The following STAM variants were observed in gnomAD, a reference collection of about 807,000 sequenced individuals.
STAM encodes the protein signal transducing adaptor molecule.
Under a neutral mutation model 63.4 loss-of-function variants are expected in STAM, and 16 were observed. That is an observed-to-expected ratio of 0.25 (90% CI 0.17 to 0.38). The LOEUF is 0.38. STAM is among the 10% of genes least tolerant of loss of function. STAM has a pLI of 1.00. For synonymous variants in STAM, 238 were observed against 223.9 expected, an observed-to-expected ratio of 1.06 and a Z score of -0.56; for missense variants, 636 against 657.1, an observed-to-expected ratio of 0.97 and a Z score of 0.35.
intron 11 of STAM, 41 bp downstream of exon 11, chr10:17,705,065 C>G (rs782082507): frequency 1.3e-6 from 2 of 1,572,822 alleles, no homozygotes; most frequent in African/African-American, 2.7e-5. Context: ...TACCTTCTTT[C>G]CTGAAGCTAT....
intron 7 of STAM, 150 bp downstream of exon 7, chr10:17,695,391 A>G: frequency 1.6e-6 from 1 of 643,580 alleles, no homozygotes; most frequent in African/African-American, 1.9e-5. Flanking sequence ...TGCTTGTGTT[A>G]TACTGGGTGG....
rs1833954499 is a variant in STAM at position 17,656,717 on chromosome 10, CT to C, written c.41-3746del. On this transcript the variant is annotated intron_variant, in intron 1 of 13. Coordinates refer to ENST00000377524, the MANE Select transcript of STAM (RefSeq NM_003473.4). ...TTACTGGCAGTGAGTCTGTATGGGT[CT>C]GCACCAATCTCAGTTCTTGCCTCCT... Among the ~76,000 whole-genome samples, 3 of 152,122 alleles carry C rather than the reference CT, an allele frequency of 2.0e-5. No individual in the cohort carries two copies. The South Asian group carries it at 6.2e-4, about 32-fold the overall frequency.
At chr10:17,709,047 T>C (rs942775) in intron 13 of STAM, 96 bp downstream of exon 13, 126,408 of 1,435,320 alleles carry the variant, frequency 0.088, 5,876 homozygotes, top group Admixed American at 0.11. Context: ...CTAATAAATA[T>C]CTGTGGTCAG....
intron 8 of STAM, among the ~76,000 whole-genome samples, chr10:17,697,306 A>G (rs1181355578): frequency 2.0e-5 from 3 of 152,242 alleles, no homozygotes; most frequent in African/African-American, 4.8e-5. Flanking sequence ...TACAGAATTT[A>G]TACATTATAT....
intron 1 of STAM, among the ~76,000 whole-genome samples, chr10:17,656,806 A>C (rs1341033707): frequency 6.6e-6 from 1 of 152,220 alleles, no homozygotes; most frequent in Non-Finnish European, 1.5e-5. Flanking sequence ...GTTTCAGAGC[A>C]GGAGTGGAAG....
intron 1 of STAM, among the ~76,000 whole-genome samples, chr10:17,645,572 C>T (rs982021924): frequency 1.3e-5 from 2 of 152,128 alleles, no homozygotes; most frequent in Admixed American, 6.5e-5. Flanking sequence ...AATAATATGT[C>T]TAGAGGGCCT....
intron 2 of STAM, among the ~76,000 whole-genome samples, chr10:17,674,967 G>T (rs1339160270): frequency 2.0e-5 from 3 of 152,100 alleles, no homozygotes; most frequent in Non-Finnish European, 4.4e-5. Context: ...TGATACAAGG[G>T]TTTCTTCATT....
intron 2 of STAM, among the ~76,000 whole-genome samples, chr10:17,674,413 AG>A (rs1554824420): frequency 6.6e-6 from 1 of 152,136 alleles, no homozygotes; most frequent in East Asian, 1.9e-4. Flanking sequence ...GCCTGGGACT[AG>A]GGTCATCTGA....
At chr10:17,666,222 A>G (rs1834368871) in intron 2 of STAM, among the ~76,000 whole-genome samples, 1 of 152,198 alleles carries the variant, frequency 6.6e-6, no homozygotes, top group Admixed American at 6.5e-5. Flanking sequence ...GGTGGAAAAC[A>G]TCATGTAACT....
chr10:17,688,531 C>T (rs1056902858), intron 5 of STAM, among the ~76,000 whole-genome samples: 1 of 152,020 alleles, frequency 6.6e-6, no homozygotes, highest in African/African-American at 2.4e-5. Context: ...AGCGTGATCT[C>T]GGCTCACTGC....
intron 1 of STAM, among the ~76,000 whole-genome samples, chr10:17,649,979 T>C (rs1430939975): frequency 6.6e-6 from 1 of 152,208 alleles, no homozygotes; most frequent in Non-Finnish European, 1.5e-5. Flanking sequence ...TTTGAATCAT[T>C]TCCCTGCCTC....
At chr10:17,701,621 T>C (rs189381857) in intron 9 of STAM, among the ~76,000 whole-genome samples, 37 of 152,358 alleles carry the variant, frequency 2.4e-4, no homozygotes, top group Admixed American at 1.0e-3. Context: ...GCCCTTGGTA[T>C]GGATAATTTA....
chr10:17,716,069 GA>G lies in STAM; in HGVS notation c.*1294del, dbSNP rs2131717048. ...TGAATGCTTTTCTTTTAATTCATGCGAAAAATGTTTTCCACTGACATTGTAA... is the reference window on the plus strand; with the variant it reads ...TGAATGCTTTTCTTTTAATTCATGCGAAAATGTTTTCCACTGACATTGTAA... On this transcript the variant is annotated 3_prime_UTR_variant, in exon 14 of 14. Coordinates refer to ENST00000377524, the MANE Select transcript of STAM (RefSeq NM_003473.4). Among the ~76,000 whole-genome samples the G allele has an allele frequency of 1.3e-5, 2 of 152,084 alleles. 1 individual carries two copies. The highest frequency in any genetic ancestry group is 4.2e-4 in the South Asian group (2 of 4,816).
At chr10:17,711,094 G>C (rs1161194586) in intron 13 of STAM, among the ~76,000 whole-genome samples, 1 of 152,180 alleles carries the variant, frequency 6.6e-6, no homozygotes, top group African/African-American at 2.4e-5. Flanking sequence ...GGCAAATCAA[G>C]GTCAGTGAGG....
At chr10:17,644,598 G>T (rs1589010669) in intron 1 of STAM, among the ~76,000 whole-genome samples, 1 of 152,286 alleles carries the variant, frequency 6.6e-6, no homozygotes, top group Middle Eastern at 3.4e-3. Flanking sequence ...CTTGAGCTAG[G>T]ACTGTAGGTT....
chr10:17,686,454 A>G (rs374258125), intron 4 of STAM, among the ~76,000 whole-genome samples: 1 of 148,730 alleles, frequency 6.7e-6, no homozygotes, highest in African/African-American at 2.5e-5. Context: ...TCAGCTGACT[A>G]TAGCCTCTGC....
In STAM at chr10:17,664,799, A is replaced by G. The variant is rs116979560; in HGVS notation, c.125+4251A>G. Among the ~76,000 whole-genome samples the G allele has an allele frequency of 3.2e-3, 491 of 152,204 alleles. 19 individuals are homozygous for G. In the East Asian group the frequency reaches 0.076, roughly 24 times the overall value. Reference sequence around the variant, plus strand: ...ATCTAGATTTAGAAAAAAAATTATTATTGCTATTTGGTGTTAGCCTGAAAT... The same window carrying G: ...ATCTAGATTTAGAAAAAAAATTATTGTTGCTATTTGGTGTTAGCCTGAAAT... On this transcript the variant is annotated intron_variant, in intron 2 of 13. Transcript: ENST00000377524.
intron 1 of STAM, among the ~76,000 whole-genome samples, chr10:17,651,108 C>T (rs1444955928): frequency 2.7e-5 from 4 of 150,922 alleles, no homozygotes; most frequent in South Asian, 2.1e-4. Context: ...AAGAATCTAC[C>T]GCTTTCACAG....
intron 1 of STAM, among the ~76,000 whole-genome samples, chr10:17,654,436 A>C (rs972489489): frequency 6.6e-6 from 1 of 151,928 alleles, no homozygotes; most frequent in Non-Finnish European, 1.5e-5. Flanking sequence ...GTTAGCCAGG[A>C]TGGTCTCTAT....
Sources: allele counts gnomAD v4.1 joint callset (sites outside exome capture counted in the v4.1 genomes callset), GRCh38; gene constraint gnomAD v4.1.1; transcripts MANE v1.5; gene names NCBI Gene and HGNC (gene_info 2026-07-23, HGNC 2026-07-21).